The following MFSD6 variants were observed in gnomAD, a reference collection of about 807,000 sequenced individuals.
The protein encoded by MFSD6 is major facilitator superfamily domain containing 6, also known as major facilitator superfamily domain-containing protein 6.
In MFSD6, 26 loss-of-function variants were observed where a neutral mutation model predicts 56.3. The ratio of observed to expected loss-of-function variants is 0.46; its 90% CI spans 0.34 to 0.64. The LOEUF (loss-of-function observed/expected upper bound fraction) is 0.64, where lower values mean the gene tolerates loss of function less well. Among genes scored for constraint, MFSD6 ranks in the 30% least tolerant of loss-of-function variants. MFSD6 has a pLI of 0.01. For missense variants in MFSD6, 750 were observed against 986.2 expected (o/e 0.76, Z 3.21); for synonymous variants, 331 against 366.9 (o/e 0.90, Z 1.12).
chr2:190,484,551 G>T (rs557524309), intron 4 of MFSD6, among the ~76,000 whole-genome samples: 23 of 152,186 alleles, frequency 1.5e-4, no homozygotes, highest in African/African-American at 5.5e-4. Context: ...CAAGTTTCTA[G>T]GTTGCTTTTT....
rs967433347 is a variant in MFSD6 at position 190,433,701 on chromosome 2, A to T, written c.-53-2276A>T. Among the ~76,000 whole-genome samples the T allele has an allele frequency of 6.6e-6, 1 of 152,226 alleles. No homozygotes were observed. The highest frequency in any genetic ancestry group is 1.5e-5 in the Non-Finnish European group (1 of 68,042). On this transcript the variant is annotated intron_variant, in intron 2 of 7. Coordinates refer to ENST00000392328, the MANE Select transcript of MFSD6 (RefSeq NM_017694.4). The surrounding 1 kb of genome is among the most constrained non-coding windows in gnomAD (Gnocchi z 4.5). The stretch of plus-strand genomic sequence containing the variant: ...ACATTGACATCTGGCTTTTGGGGAT[A>T]ACAGATAAATTGACTCCTTACACAG...
At position 190,412,731 on chromosome 2, in the gene MFSD6, G is replaced by C. The variant is rs1690610656; in HGVS notation, c.-175-2561G>C. 2.0e-6 allele frequency: 1 copy of C among 509,756 alleles called. No individual in the cohort carries two copies. Among genetic ancestry groups the C allele is most frequent in the Non-Finnish European group, 2.5e-6 (1 of 395,606 alleles). The allele number at this position is 509,756 out of a possible 1,614,324, so 31.6% of individuals were successfully genotyped here. A position where few individuals can be genotyped will look rare whatever the true frequency, so the allele number is the denominator to read the frequency against. On this transcript the variant is annotated intron_variant, in intron 1 of 7. Transcript: ENST00000392328. This position sits in a 1 kb window ranked among gnomAD's most constrained non-coding sequence, Gnocchi z 4.1. ...GGCATTTTGGGGGTGAGAGGGGCTT[G>C]TGTCAGCCTGATTTGTTTTCCTAAA...
At chr2:190,452,486 T>C (rs188161439) in intron 3 of MFSD6, among the ~76,000 whole-genome samples, 9 of 152,202 alleles carry the variant, frequency 5.9e-5, no homozygotes, top group Non-Finnish European at 1.0e-4. Flanking sequence ...GAGATGAGAA[T>C]TGTAGAGTGA....
At chr2:190,421,513 A>C (rs1685613036) in intron 2 of MFSD6, among the ~76,000 whole-genome samples, 1 of 152,122 alleles carries the variant, frequency 6.6e-6, no homozygotes, top group South Asian at 2.1e-4. Flanking sequence ...CCAAAACAAA[A>C]AAACAGACTT....
In MFSD6 at chr2:190,497,476, C is replaced by A; in HGVS notation, c.1929C>A (p.Ser643=). ...TMLAERIPVP[S]SPVPIATIDL... is the part of the protein sequence containing the mutation. The stretch of plus-strand genomic sequence containing the variant: ...TGGCAGAAAGAATTCCTGTTCCCTC[C>A]AGTCCCGTTCCTATAGCAACCATCG... The change falls in exon 7 of 8, where the codon TCC becomes TCA. Residue 643 remains serine, a synonymous_variant. Transcript: ENST00000392328. The surrounding 1 kb of genome is among the most constrained non-coding windows in gnomAD (Gnocchi z 5.2). 6.2e-7 allele frequency: 1 copy of A among 1,614,142 alleles called. No individual in the cohort carries two copies. The highest frequency in any genetic ancestry group is 8.5e-7 in the Non-Finnish European group (1 of 1,180,020).
intron 3 of MFSD6, chr2:190,444,869 T>C (rs1460402395): frequency 1.2e-6 from 1 of 827,630 alleles, no homozygotes; most frequent in African/African-American, 1.9e-5. Flanking sequence ...CCAATTATTT[T>C]ATACAAAATC....
chr2:190,467,079 C>CACTAGGA lies in MFSD6; in HGVS notation c.1533-2678_1533-2677insCTAGGAA. On this transcript the variant is annotated intron_variant, in intron 3 of 7. Transcript: ENST00000392328. The surrounding 1 kb of genome is among the most constrained non-coding windows in gnomAD (Gnocchi z 5.5). Reference sequence around the variant, plus strand: ...GCTCAAAAGACAGCTTCAGGATAGACAATTTGTGAACACTAGGAAAGTGGA... The same window carrying CACTAGGA: ...GCTCAAAAGACAGCTTCAGGATAGACACTAGGAAATTTGTGAACACTAGGAAAGTGGA... Among the ~76,000 whole-genome samples, 1 of 152,168 alleles carries CACTAGGA rather than the reference C, an allele frequency of 6.6e-6. No individual in the cohort carries two copies. The highest frequency in any genetic ancestry group is 1.5e-5 in the Non-Finnish European group (1 of 68,018).
intron 3 of MFSD6, among the ~76,000 whole-genome samples, chr2:190,446,400 A>G (rs1206953824): frequency 6.6e-6 from 1 of 152,226 alleles, no homozygotes. Flanking sequence ...AGAAAGGCAC[A>G]GGCACTTTAC....
upstream of MFSD6, among the ~76,000 whole-genome samples, chr2:190,408,108 C>G (rs1010568243): frequency 6.6e-6 from 1 of 151,996 alleles, no homozygotes; most frequent in African/African-American, 2.4e-5. Flanking sequence ...GGGCAGTCGA[C>G]GCATCCGCCG....
intron 4 of MFSD6, among the ~76,000 whole-genome samples, chr2:190,481,767 C>T (rs1378226156): frequency 2.0e-5 from 3 of 152,218 alleles, no homozygotes; most frequent in Non-Finnish European, 4.4e-5. Flanking sequence ...GGAATGTTGG[C>T]TTTTAACACA....
rs535967295 is a variant in MFSD6 at position 190,440,597 on chromosome 2, G to T, written c.1532+3036G>T. On this transcript the variant is annotated intron_variant, in intron 3 of 7. Transcript: ENST00000392328. ...CAAAATACATTGCAGTAAATCATTT[G>T]TAAATTTGTAAATCATTACTTTCCA... Among the ~76,000 whole-genome samples, 5 of 152,208 alleles carry T rather than the reference G, an allele frequency of 3.3e-5. No individual in the cohort carries two copies. The South Asian group carries it at 8.3e-4, about 25-fold the overall frequency.
intron 3 of MFSD6, among the ~76,000 whole-genome samples, chr2:190,464,689 C>T (rs1687504847): frequency 6.6e-6 from 1 of 152,100 alleles, no homozygotes; most frequent in Non-Finnish European, 1.5e-5. Context: ...AGGGTCTCTC[C>T]TGTGTGGTCC....
chr2:190,477,732 A>G (rs1688421456), intron 4 of MFSD6, among the ~76,000 whole-genome samples: 1 of 152,222 alleles, frequency 6.6e-6, no homozygotes, highest in South Asian at 2.1e-4. Flanking sequence ...GTGTAAACAC[A>G]TAATAACTAT....
Position 190,437,151 on chromosome 2 carries a change from CTTCGGCGTT to C in MFSD6, c.1123_1131del (p.Phe375_Val377del), listed in dbSNP as rs1350926872. 6.2e-7 allele frequency: 1 copy of C among 1,614,130 alleles called. No homozygotes were observed. The highest frequency in any genetic ancestry group is 1.3e-5 in the African/African-American group (1 of 74,944). On this transcript the variant is annotated inframe_deletion, in exon 3 of 8. Coordinates refer to ENST00000392328, the MANE Select transcript of MFSD6 (RefSeq NM_017694.4). The surrounding 1 kb of genome is among the most constrained non-coding windows in gnomAD (Gnocchi z 5.9). ...GGAATTACCAGATCGTCTTCATCGT[CTTCGGCGTT>C]CTCATGACCATGGCCTTGATCGTTG...
At position 190,488,850 on chromosome 2, in the gene MFSD6, C is replaced by A. The variant is rs1348087994; in HGVS notation, c.1792+32C>A. ...ATGGCTTTCTCCTTTTTTTTCTTTTCTATTATTAAAACATGATTTTTTCCA... is the reference window on the plus strand; with the variant it reads ...ATGGCTTTCTCCTTTTTTTTCTTTTATATTATTAAAACATGATTTTTTCCA... On this transcript the variant is annotated intron_variant, in intron 5 of 7. Coordinates refer to ENST00000392328, the MANE Select transcript of MFSD6 (RefSeq NM_017694.4). This position sits in a 1 kb window ranked among gnomAD's most constrained non-coding sequence, Gnocchi z 6.4. The A allele has an allele frequency of 7.3e-6, 11 of 1,501,734 alleles. No individual in the cohort carries two copies. Among genetic ancestry groups the A allele is most frequent in the Non-Finnish European group, 9.8e-6 (11 of 1,123,842 alleles). 93.0% of individuals were successfully genotyped at this position (1,501,734 alleles called of 1,614,324 possible).
At chr2:190,474,546 A>G (rs1336398485) in intron 4 of MFSD6, among the ~76,000 whole-genome samples, 4 of 152,206 alleles carry the variant, frequency 2.6e-5, no homozygotes, top group Non-Finnish European at 4.4e-5. Flanking sequence ...TAGACCAATA[A>G]AAGGCTCTGA....
Position 190,469,719 on chromosome 2 carries a change from C to T in MFSD6, c.1533-39C>T. 4 of 1,179,008 alleles carry T rather than the reference C, an allele frequency of 3.4e-6. No homozygotes were observed. The highest frequency in any genetic ancestry group is 4.4e-6 in the Non-Finnish European group (4 of 900,842). 73.0% of individuals were successfully genotyped at this position (1,179,008 alleles called of 1,614,324 possible). A position where few individuals can be genotyped will look rare whatever the true frequency, so the allele number is the denominator to read the frequency against. On this transcript the variant is annotated intron_variant, in intron 3 of 7. Transcript: ENST00000392328. This position sits in a 1 kb window ranked among gnomAD's most constrained non-coding sequence, Gnocchi z 5.3. The stretch of plus-strand genomic sequence containing the variant: ...TAGGGACTCAGTTTATTTTCCTTTG[C>T]TTTTTTTTATTTTATTTTTATTTTT...
At chr2:190,432,842 T>G (rs10931453) in intron 2 of MFSD6, among the ~76,000 whole-genome samples, 1 of 126,034 alleles carries the variant, frequency 7.9e-6, no homozygotes, top group African/African-American at 3.1e-5. Flanking sequence ...ACACACACAC[T>G]CTCTCTCTCT....
rs760155908 is a variant in MFSD6, at chr2:190,488,673, C to CATCTGGGCAGCATGCATTTCTT, written c.1649_1670dup (p.Ser559GlyfsTer14). 6.4e-7 allele frequency: 1 copy of CATCTGGGCAGCATGCATTTCTT among 1,572,440 alleles called. No individual in the cohort carries two copies. Among genetic ancestry groups the CATCTGGGCAGCATGCATTTCTT allele is most frequent in the Non-Finnish European group, 8.6e-7 (1 of 1,160,200 alleles). ...CCTCTCCAGGAGTGACACACGCGGC[C>CATCTGGGCAGCATGCATTTCTT]ATCTGGGCAGCATGCATTTCTTACC... is the stretch of plus-strand genomic sequence containing the variant. On this transcript the variant is annotated frameshift_variant, in exon 5 of 8. Transcript: ENST00000392328. LOFTEE classifies it high-confidence loss of function. The surrounding 1 kb of genome is among the most constrained non-coding windows in gnomAD (Gnocchi z 6.4).
Sources: gnomAD v4.1 joint callset for allele counts (sites outside exome capture counted in the v4.1 genomes callset) on GRCh38, gnomAD v4.1.1 for gene constraint, Gnocchi (gnomAD v3.1) non-coding constraint, MANE v1.5 for transcripts, NCBI Gene and HGNC (gene_info 2026-07-23, HGNC 2026-07-21) for gene names.